The following RAB9B variants were observed in gnomAD, a reference collection of about 807,000 sequenced individuals.
RAB9B encodes ras-related protein Rab-9B.
In RAB9B, 1 loss-of-function variant was observed where a neutral mutation model predicts 8.9. That is an observed-to-expected ratio of 0.11 (90% confidence interval 0.04 to 0.53). RAB9B has a LOEUF of 0.53. RAB9B is among the 20% of genes least tolerant of loss of function. The probability of loss-of-function intolerance (pLI) is 0.93; values close to 1 mark genes in which losing one functional copy is unlikely to be tolerated. For missense variants in RAB9B, 82 were observed against 152.9 expected (o/e 0.54, Z 2.45); for synonymous variants, 63 against 57.0 (o/e 1.10, Z -0.47).
At chrX:103,829,436 T>A in intron 1 of RAB9B, among the ~76,000 whole-genome samples, 1 of 112,285 alleles carries the variant, frequency 8.9e-6, no homozygotes, top group Non-Finnish European at 1.9e-5. Context: ...ATGAATACAG[T>A]TTAGATTTGT....
chrX:103,795,124 T>A, the RAB9B span, among the ~76,000 whole-genome samples: 1 of 111,059 alleles, frequency 9.0e-6, no homozygotes, highest in Non-Finnish European at 1.9e-5. Flanking sequence ...GGAGCTCAAC[T>A]AAAGACAGAA....
At chrX:103,779,420 C>T in the RAB9B span, among the ~76,000 whole-genome samples, 1 of 111,566 alleles carries the variant, frequency 9.0e-6, no homozygotes, top group African/African-American at 3.3e-5. Flanking sequence ...ATAAAATGCC[C>T]GAAGACTAAC....
At chrX:103,780,851 C>G in the RAB9B span, 1 of 115,605 alleles carries the variant, frequency 8.7e-6, no homozygotes, top group Non-Finnish European at 1.8e-5. Flanking sequence ...CACGGCTGCT[C>G]TAGCATTTCG....
the RAB9B span, among the ~76,000 whole-genome samples, chrX:103,792,944 T>C: frequency 8.9e-6 from 1 of 112,585 alleles, no homozygotes; most frequent in Non-Finnish European, 1.9e-5. Context: ...GAGTCAACTA[T>C]GGTTACTTTT....
At chrX:103,814,646 G>A in the RAB9B span, among the ~76,000 whole-genome samples, 2 of 111,520 alleles carry the variant, frequency 1.8e-5, no homozygotes, top group South Asian at 7.6e-4. Context: ...AATGAATCCA[G>A]GAGGTGTTTT....
rs1279070762 is a variant in RAB9B, at chrX:103,823,949, A to G, written c.*1230T>C. 1 of 112,422 alleles carries G rather than the reference A, an allele frequency of 8.9e-6. No homozygotes were observed. Among genetic ancestry groups the G allele is most frequent in the African/African-American group, 3.2e-5 (1 of 30,947 alleles). The allele number at this position is 112,422 out of a possible 1,213,427, so 9.3% of individuals were successfully genotyped here. A position where few individuals can be genotyped will look rare whatever the true frequency, so the allele number is the denominator to read the frequency against. ...TGGCACTGATGTAGTTTATATATTCATAGAACTTAGAGCCAGAAAGGACTT... is the reference window on the plus strand; with the variant it reads ...TGGCACTGATGTAGTTTATATATTCGTAGAACTTAGAGCCAGAAAGGACTT... On this transcript the variant is annotated 3_prime_UTR_variant, in exon 3 of 3. Transcript: ENST00000243298.
At chrX:103,826,663 T>C (rs757227050) in intron 2 of RAB9B, among the ~76,000 whole-genome samples, 2 of 112,257 alleles carry the variant, frequency 1.8e-5, no homozygotes, top group South Asian at 7.5e-4. Flanking sequence ...TGTCTTAAAA[T>C]AAAAAGATCA....
chrX:103,781,304 C>A, the RAB9B span: 1 of 327,177 alleles, frequency 3.1e-6, no homozygotes, highest in African/African-American at 2.6e-5. Flanking sequence ...GAACCTGGAT[C>A]TGTGTAAGTC....
At chrX:103,786,753 A>T in the RAB9B span, 4 of 1,205,853 alleles carry the variant, frequency 3.3e-6, no homozygotes, top group African/African-American at 7.0e-5. Flanking sequence ...TTTTGTGGCA[A>T]TAACAAGGGG....
intron 1 of RAB9B, among the ~76,000 whole-genome samples, chrX:103,831,521 T>C (rs2074703531): frequency 1.0e-5 from 1 of 97,010 alleles, no homozygotes; most frequent in Non-Finnish European, 2.1e-5. Context: ...GCACACTAGA[T>C]AGCAATCTGG....
At chrX:103,807,400 T>C in the RAB9B span, among the ~76,000 whole-genome samples, 18 of 111,424 alleles carry the variant, frequency 1.6e-4, no homozygotes, top group African/African-American at 5.9e-4. Flanking sequence ...CACTTTTCTG[T>C]TTAAAACTTT....
chrX:103,792,803 A>G, the RAB9B span, among the ~76,000 whole-genome samples: 1 of 112,425 alleles, frequency 8.9e-6, no homozygotes, highest in African/African-American at 3.2e-5. Context: ...AAGAAATAGA[A>G]GCAAAGTAAT....
At chrX:103,797,365 C>T in the RAB9B span, among the ~76,000 whole-genome samples, 1 of 112,320 alleles carries the variant, frequency 8.9e-6, no homozygotes, top group Non-Finnish European at 1.9e-5. Context: ...GCATGAGCCA[C>T]TGCTCCCAGC....
chrX:103,804,094 T>C, the RAB9B span, among the ~76,000 whole-genome samples: 35 of 111,901 alleles, frequency 3.1e-4, no homozygotes, highest in African/African-American at 1.1e-3. Flanking sequence ...CACAGATTTT[T>C]ACCTATGTTT....
the RAB9B span, among the ~76,000 whole-genome samples, chrX:103,805,592 G>A: frequency 9.0e-6 from 1 of 111,647 alleles, no homozygotes. Context: ...CAGTTAAGCT[G>A]TCTGGTCCTG....
the RAB9B span, among the ~76,000 whole-genome samples, chrX:103,813,815 CAACA>C: frequency 1.1e-5 from 1 of 91,924 alleles, no homozygotes. Context: ...GACTTTAAAC[CAACA>C]AAGATCAAAA....
the RAB9B span, among the ~76,000 whole-genome samples, chrX:103,777,698 C>A: frequency 8.9e-6 from 1 of 111,947 alleles, no homozygotes; most frequent in Non-Finnish European, 1.9e-5. Flanking sequence ...GACATTAGGG[C>A]TCTTGCTAAG....
chrX:103,782,947 CCTT>C, the RAB9B span, among the ~76,000 whole-genome samples: 5 of 112,183 alleles, frequency 4.5e-5, no homozygotes, highest in Non-Finnish European at 9.4e-5. Flanking sequence ...GGGTCACTGA[CCTT>C]CTTCTCCCCC....
rs745550848 is a variant in RAB9B, at chrX:103,825,794, A to C, written c.-10T>G. On this transcript the variant is annotated 5_prime_UTR_variant, in exon 3 of 3. Coordinates refer to ENST00000243298, the MANE Select transcript of RAB9B (RefSeq NM_016370.4). ...GGGATTTCCCACTCATTTTTGCAGC[A>C]CCAGAAGGGAAGGAGTTTGTAACCA... The C allele has an allele frequency of 8.7e-7, 1 of 1,155,214 alleles. No individual in the cohort carries two copies. The highest frequency in any genetic ancestry group is 1.8e-5 in the African/African-American group (1 of 55,255).
Sources: allele counts gnomAD v4.1 joint callset (sites outside exome capture counted in the v4.1 genomes callset), GRCh38; gene constraint gnomAD v4.1.1; transcripts MANE v1.5; gene names NCBI Gene and HGNC (gene_info 2026-07-23, HGNC 2026-07-21).